The following ZFPM2 variants were observed in gnomAD, a reference collection of about 807,000 sequenced individuals.
ZFPM2 encodes the protein zinc finger protein ZFPM2.
ZFPM2 carries 20 observed loss-of-function variants against 98.6 expected under a neutral mutation model. That is an observed-to-expected ratio of 0.20 (90% confidence interval 0.14 to 0.29). The LOEUF (loss-of-function observed/expected upper bound fraction) is 0.29, where lower values mean the gene tolerates loss of function less well. Ranked by LOEUF, ZFPM2 falls within the 10% of genes least tolerant of loss-of-function variation. ZFPM2 has a pLI of 1.00. For missense variants in ZFPM2, 1,310 were observed against 1,388.6 expected (o/e 0.94, Z 0.90); for synonymous variants, 518 against 502.7 (o/e 1.03, Z -0.41).
At chr8:105,755,809 T>C (rs1425100244) in intron 5 of ZFPM2, among the ~76,000 whole-genome samples, 1 of 152,150 alleles carries the variant, frequency 6.6e-6, no homozygotes, top group East Asian at 1.9e-4. Flanking sequence ...ATTTTTAATG[T>C]TGAAGCTTTT....
At chr8:105,504,263 A>C (rs1484083161) in intron 3 of ZFPM2, among the ~76,000 whole-genome samples, 1 of 152,178 alleles carries the variant, frequency 6.6e-6, no homozygotes, top group East Asian at 1.9e-4. Context: ...TGCTCAGAGA[A>C]TATGGTTGAC....
intron 1 of ZFPM2, among the ~76,000 whole-genome samples, chr8:105,381,166 A>G (rs1452394557): frequency 6.7e-6 from 1 of 148,884 alleles, no homozygotes; most frequent in Non-Finnish European, 1.5e-5. Flanking sequence ...TATGAGTGAG[A>G]ACATGCAGTG....
chr8:105,711,756 C>T (rs1211182667), intron 5 of ZFPM2, among the ~76,000 whole-genome samples: 1 of 151,898 alleles, frequency 6.6e-6, no homozygotes, highest in East Asian at 1.9e-4. Context: ...ACATATGCTC[C>T]GAAGACCAGA....
At chr8:105,393,337 C>CCTTTCTTTCTTT (rs1196120373) in intron 1 of ZFPM2, among the ~76,000 whole-genome samples, 9,638 of 114,194 alleles carry the variant, frequency 0.084, 516 homozygotes, top group East Asian at 0.15. Flanking sequence ...TCTCTCTTTG[C>CCTTTCTTTCTTT]CTTTCTTTCT....
intron 1 of ZFPM2, among the ~76,000 whole-genome samples, chr8:105,351,452 G>T (rs547407734): frequency 6.6e-6 from 1 of 151,868 alleles, no homozygotes; most frequent in African/African-American, 2.4e-5. Flanking sequence ...GGAAACCTCA[G>T]ATAAGGAGGG....
chr8:105,447,965 G>T (rs1812408819), intron 3 of ZFPM2, among the ~76,000 whole-genome samples: 1 of 151,978 alleles, frequency 6.6e-6, no homozygotes, highest in Non-Finnish European at 1.5e-5. Flanking sequence ...ATGATTAAGT[G>T]GAACCTAAAC....
At chr8:105,415,882 G>T (rs1193500888) in intron 1 of ZFPM2, among the ~76,000 whole-genome samples, 7 of 152,000 alleles carry the variant, frequency 4.6e-5, no homozygotes, top group Non-Finnish European at 1.0e-4. Flanking sequence ...ATACAAGTTG[G>T]TCATCAAATG....
chr8:105,329,546 T>G (rs1757382183), intron 1 of ZFPM2, among the ~76,000 whole-genome samples: 1 of 151,852 alleles, frequency 6.6e-6, no homozygotes, highest in Admixed American at 6.6e-5. Flanking sequence ...CATATTTTAT[T>G]GTAATCTTAT....
intron 5 of ZFPM2, among the ~76,000 whole-genome samples, chr8:105,761,860 C>T (rs1489461898): frequency 6.6e-6 from 1 of 151,818 alleles, no homozygotes; most frequent in Admixed American, 6.6e-5. Flanking sequence ...TATTCCCCAG[C>T]AATAGAGTAG....
intron 5 of ZFPM2, among the ~76,000 whole-genome samples, chr8:105,754,394 A>G (rs1397600943): frequency 6.6e-6 from 1 of 152,188 alleles, no homozygotes; most frequent in Admixed American, 6.6e-5. Flanking sequence ...CAGAAGTAGA[A>G]TTACCCATTT....
chr8:105,453,416 G>T (rs369972089), intron 3 of ZFPM2, among the ~76,000 whole-genome samples: 1 of 152,154 alleles, frequency 6.6e-6, no homozygotes. Context: ...AAGAGATTCA[G>T]TAATGACTTC....
intron 1 of ZFPM2, among the ~76,000 whole-genome samples, chr8:105,348,843 T>C (rs1381137792): frequency 1.3e-5 from 2 of 152,196 alleles, no homozygotes; most frequent in African/African-American, 4.8e-5. Context: ...TCTGGAATTG[T>C]TTGATTTTAT....
intron 5 of ZFPM2, among the ~76,000 whole-genome samples, chr8:105,695,414 G>A (rs1019860461): frequency 9.9e-6 from 1 of 100,560 alleles, no homozygotes; most frequent in Middle Eastern, 6.4e-3. Context: ...TGCTGTACCC[G>A]AAATTGTTTT....
intron 2 of ZFPM2, among the ~76,000 whole-genome samples, chr8:105,436,772 A>G (rs1293821173): frequency 6.6e-6 from 1 of 152,136 alleles, no homozygotes; most frequent in Non-Finnish European, 1.5e-5. Context: ...TTTCTGAACT[A>G]TAGGAATATT....
chr8:105,407,622 A>C (rs1425494181), intron 1 of ZFPM2, among the ~76,000 whole-genome samples: 7 of 151,944 alleles, frequency 4.6e-5, no homozygotes, highest in Non-Finnish European at 7.4e-5. Flanking sequence ...TTCTGGAATT[A>C]TCTTGAGGAA....
At chr8:105,599,272 C>T (rs950075202) in intron 4 of ZFPM2, among the ~76,000 whole-genome samples, 3 of 151,648 alleles carry the variant, frequency 2.0e-5, no homozygotes, top group Non-Finnish European at 4.4e-5. Flanking sequence ...ATACTGTGGC[C>T]CTGTCTTTAT....
At chr8:105,327,945 C>G (rs1322522814) in intron 1 of ZFPM2, among the ~76,000 whole-genome samples, 1 of 151,680 alleles carries the variant, frequency 6.6e-6, no homozygotes, top group Non-Finnish European at 1.5e-5. Flanking sequence ...CTTCATGCTC[C>G]TTGTGTGTGC....
intron 4 of ZFPM2, among the ~76,000 whole-genome samples, chr8:105,627,685 G>C (rs1816684166): frequency 6.6e-6 from 1 of 152,150 alleles, no homozygotes; most frequent in East Asian, 1.9e-4. Context: ...CATACTCCCT[G>C]ACCACTGTGT....
chr8:105,775,629 AG>A (rs1171658934), intron 5 of ZFPM2, among the ~76,000 whole-genome samples: 1 of 152,182 alleles, frequency 6.6e-6, no homozygotes, highest in Non-Finnish European at 1.5e-5. Context: ...CTTTGTAATC[AG>A]TTTATCAGCT....
Sources: allele counts gnomAD v4.1 joint callset (sites outside exome capture counted in the v4.1 genomes callset), GRCh38; gene constraint gnomAD v4.1.1; transcripts MANE v1.5; gene names NCBI Gene and HGNC (gene_info 2026-07-23, HGNC 2026-07-21).